RNF213: variants seen among roughly 807,000 people sequenced by gnomAD.
RNF213 encodes E3 ubiquitin-protein ligase RNF213.
Under a neutral mutation model 514.4 loss-of-function variants are expected in RNF213, and 341 were observed. The ratio of observed to expected loss-of-function variants is 0.66; its 90% CI spans 0.61 to 0.73. RNF213 has a LOEUF of 0.73. Among genes scored for constraint, RNF213 ranks in the 30% least tolerant of loss-of-function variants. The pLI, the probability that RNF213 is intolerant of heterozygous loss-of-function variation, is 0.00. For missense variants in RNF213, 5,767 were observed against 6,615.6 expected (o/e 0.87, Z 4.45); for synonymous variants, 2,655 against 2,658.2 (o/e 1.00, Z 0.04).
At chr17:80,359,547 AAAAAAG>A (rs1375431635) in intron 37 of RNF213, among the ~76,000 whole-genome samples, 5 of 149,022 alleles carry the variant, frequency 3.4e-5, no homozygotes, top group African/African-American at 9.9e-5. Flanking sequence ...AAAAAAAAAA[AAAAAAG>A]AGTGAGAGAG....
intron 8 of RNF213, among the ~76,000 whole-genome samples, chr17:80,292,898 C>T (rs577257149): frequency 2.6e-5 from 4 of 152,114 alleles, no homozygotes; most frequent in South Asian, 2.1e-4. Context: ...CCCTGGTGTC[C>T]GGTGTCTTGG....
Position 80,376,543 on chromosome 17 carries a change from G to A in RNF213, c.13428G>A (p.Ala4476=), listed in dbSNP as rs777173593. Reference sequence around the variant, plus strand: ...TGGCCTTCTCCCCAGCCACCATGGCGGTAAGAGTAGGCCACAATTCCATCG... The same window carrying A: ...TGGCCTTCTCCCCAGCCACCATGGCAGTAAGAGTAGGCCACAATTCCATCG... ...KNLAFSPATM[A]HAFLPTMPED... is the part of the protein sequence containing the mutation. Residue 4476 remains alanine (A), a splice_region_variant and synonymous_variant, in exon 52 of 68, where the codon GCG becomes GCA. Coordinates refer to ENST00000582970, the MANE Select transcript of RNF213 (RefSeq NM_001256071.3). 4.2e-5 allele frequency: 67 copies of A among 1,613,840 alleles called. No homozygotes were observed. Among genetic ancestry groups the A allele is most frequent in the Middle Eastern group, 3.3e-4 (2 of 6,082 alleles).
chr17:80,315,356 C>G (rs1274298489), intron 15 of RNF213, among the ~76,000 whole-genome samples: 1 of 60,014 alleles, frequency 1.7e-5, no homozygotes, highest in Non-Finnish European at 3.0e-5. Flanking sequence ...TGATGGCGGT[C>G]GTGGAGGTGA....
chr17:80,268,846 A>C (rs745461203), intron 2 of RNF213, among the ~76,000 whole-genome samples: 6 of 152,180 alleles, frequency 3.9e-5, no homozygotes, highest in Non-Finnish European at 8.8e-5. Context: ...CACAATCACA[A>C]GGTGAAGTCC....
At chr17:80,291,963 C>G in intron 8 of RNF213, 136 bp downstream of exon 8, 1 of 892,832 alleles carries the variant, frequency 1.1e-6, no homozygotes. Flanking sequence ...TTGACCCCGC[C>G]CCAGCCTCCA....
intron 10 of RNF213, 63 bp from the exon 11 acceptor site, chr17:80,298,258 G>T (rs1054335825): frequency 3.8e-6 from 6 of 1,565,762 alleles, no homozygotes; most frequent in South Asian, 1.1e-5. Flanking sequence ...TGGGACTCCA[G>T]ACTCCCAGGG....
rs1599238724 is a variant in RNF213 at position 80,398,045 on chromosome 17, T to C, written c.*4547T>C. On this transcript the variant is annotated 3_prime_UTR_variant, in exon 68 of 68. Transcript: ENST00000582970. ...CACTTGGAGTCCAGACATCTGAAAC[T>C]TGGTAAGACTGGTCTTTGGAACTTG... 1 of 151,126 alleles carries C rather than the reference T, an allele frequency of 6.6e-6. No individual in the cohort carries two copies. The highest frequency in any genetic ancestry group is 2.4e-5 in the African/African-American group (1 of 41,124). 9.4% of individuals were successfully genotyped at this position (151,126 alleles called of 1,614,324 possible).
At chr17:80,357,540 A>G (rs1281436436) in intron 36 of RNF213, among the ~76,000 whole-genome samples, 1 of 152,198 alleles carries the variant, frequency 6.6e-6, no homozygotes, top group African/African-American at 2.4e-5. Context: ...TGGTCTCTTC[A>G]TCTGTATTAT....
intron 36 of RNF213, among the ~76,000 whole-genome samples, chr17:80,357,488 CAT>C (rs1193870070): frequency 1.3e-5 from 2 of 152,176 alleles, no homozygotes; most frequent in African/African-American, 4.8e-5. Flanking sequence ...TCCAGATAAA[CAT>C]GTGCCTTCTT....
Position 80,343,693 on chromosome 17 carries a change from A to G in RNF213, c.6184-164A>G, listed in dbSNP as rs1273055263. On this transcript the variant is annotated intron_variant, in intron 27 of 67. Transcript: ENST00000582970. This position sits in a 1 kb window ranked among gnomAD's most constrained non-coding sequence, Gnocchi z 4.3. ...TGGTACAGGGAAATATAGTATTAGG[A>G]TTTTATGGGGCTGCCCTTGGAGACA... 6.6e-6 allele frequency among the ~76,000 whole-genome samples: 1 copy of G among 152,286 alleles called. No individual in the cohort carries two copies. Among genetic ancestry groups the G allele is most frequent in the Non-Finnish European group, 1.5e-5 (1 of 68,026 alleles).
chr17:80,342,654 CATATATA>C (rs1200607994), intron 26 of RNF213, among the ~76,000 whole-genome samples: 1 of 144,756 alleles, frequency 6.9e-6, no homozygotes, highest in Non-Finnish European at 1.5e-5. Context: ...TATATTTTTA[CATATATA>C]ATATATATTC....
At position 80,353,526 on chromosome 17, in the gene RNF213, C is replaced by T. The variant is rs148139681; in HGVS notation, c.10438C>T (p.Arg3480Trp). 378 of 1,610,966 alleles carry T rather than the reference C, an allele frequency of 2.3e-4. No individual in the cohort carries two copies. The highest frequency in any genetic ancestry group is 7.7e-4 in the Admixed American group (46 of 59,360). The change falls in exon 34 of 68, where the codon CGG (arginine) becomes TGG (tryptophan). Residue 3480 changes from arginine (R) to tryptophan (W), a missense_variant. By Grantham distance (101) the Arg-to-Trp change is moderately radical. This residue lies in a region of RNF213 where 919 missense variants were observed against 1,121.0 expected (regional missense o/e 0.82). Coordinates refer to ENST00000582970, the MANE Select transcript of RNF213 (RefSeq NM_001256071.3). The surrounding 1 kb of genome is among the most constrained non-coding windows in gnomAD (Gnocchi z 5.0). ...TTCGACTGCAGTGGGCTTGGAACAC[C>T]GGGCGGAAGACGGCCATGAGGAGGC... ...GDLPELGLEH[R>W]AEDGHEEAME...
chr17:80,301,535 A>G (rs1322886325), intron 11 of RNF213, among the ~76,000 whole-genome samples: 1 of 152,248 alleles, frequency 6.6e-6, no homozygotes, highest in Non-Finnish European at 1.5e-5. Flanking sequence ...ACCAACAGGC[A>G]TATGAAAAAA....
chr17:80,304,709 T>C (rs1234141234), intron 11 of RNF213, among the ~76,000 whole-genome samples: 1 of 152,164 alleles, frequency 6.6e-6, no homozygotes, highest in East Asian at 1.9e-4. Context: ...ATCCCTTTTA[T>C]TGTAAAATAT....
At position 80,263,747 on chromosome 17, in the gene RNF213, A is replaced by G. The variant is rs765754518; in HGVS notation, c.66A>G (p.Gly22=). The part of the protein sequence containing the change: ...EETPKFCSQC[G]ERLPPAAPIA... ...CCCCCAAGTTCTGCAGCCAGTGCGG[A>G]GAGAGGCTGCCTCCTGCAGCCCCCA... Residue 22 remains glycine (G), a synonymous_variant, in exon 2 of 68, where the codon GGA becomes GGG. Transcript: ENST00000582970. This position sits in a 1 kb window ranked among gnomAD's most constrained non-coding sequence, Gnocchi z 4.9. The G allele has an allele frequency of 1.2e-6, 2 of 1,614,084 alleles. No homozygotes were observed. The highest frequency in any genetic ancestry group is 1.7e-6 in the Non-Finnish European group (2 of 1,180,016).
chr17:80,313,917 GTGGAGGTGGTGGAGGTAA>G (rs1298312350), intron 15 of RNF213, among the ~76,000 whole-genome samples: 4 of 5,994 alleles, frequency 6.7e-4, no homozygotes, highest in Admixed American at 1.9e-3. Flanking sequence ...GGTGGTGATG[GTGGAGGTGGTGGAGGTAA>G]TGGAGGTGAT....
chr17:80,312,907 T>C, intron 14 of RNF213, 105 bp from the exon 15 acceptor site: 2 of 1,340,592 alleles, frequency 1.5e-6, no homozygotes, highest in Non-Finnish European at 2.1e-6. Flanking sequence ...AGCCACTCCT[T>C]GAGCAGCCTG....
chr17:80,376,987 C>G (rs2079786299), intron 53 of RNF213, 24 bp downstream of exon 53: 1 of 1,556,620 alleles, frequency 6.4e-7, no homozygotes, highest in African/African-American at 1.4e-5. Flanking sequence ...TCTAGATGAC[C>G]CCACACTCCT....
In RNF213 at chr17:80,368,054, G is replaced by T; in HGVS notation, c.12066G>T (p.Arg4022Ser). The T allele has an allele frequency of 6.2e-7, 1 of 1,614,244 alleles. No individual in the cohort carries two copies. The highest frequency in any genetic ancestry group is 8.5e-7 in the Non-Finnish European group (1 of 1,180,046). Reference protein sequence around the residue: ...CDHVHCLRCLRAWFASEQMIC... With the variant: ...CDHVHCLRCLSAWFASEQMIC... ...ACGTGCACTGCCTGCGCTGCCTCAG[G>T]GCCTGGTTTGCCTCAGAGCAGATGA... Residue 4022 changes from arginine to serine, a missense_variant, in exon 44 of 68, where the codon AGG (arginine) becomes AGT (serine). Physicochemically the swap from Arg to Ser is moderately radical, Grantham distance 110. This residue lies in a region of RNF213 where 25 missense variants were observed against 53.1 expected (regional missense o/e 0.47). Coordinates refer to ENST00000582970, the MANE Select transcript of RNF213 (RefSeq NM_001256071.3).
Sources: gnomAD v4.1 joint callset for allele counts (sites outside exome capture counted in the v4.1 genomes callset) on GRCh38, gnomAD v4.1.1 for gene constraint, gnomAD v4.1.1 regional missense constraint, Gnocchi (gnomAD v3.1) non-coding constraint, MANE v1.5 for transcripts, NCBI Gene and HGNC (gene_info 2026-07-23, HGNC 2026-07-21) for gene names.